The following MYH15 variants were observed in gnomAD, a reference collection of about 807,000 sequenced individuals.
MYH15 encodes myosin heavy chain 15, also known as myosin-15.
A neutral mutation model predicts 240.5 loss-of-function variants in MYH15; 227 were observed. The ratio of observed to expected loss-of-function variants is 0.94; its 90% CI spans 0.85 to 1.05. The LOEUF is 1.05. Ranked by LOEUF, MYH15 falls within the 50% of genes least tolerant of loss-of-function variation. The probability of loss-of-function intolerance (pLI) is 0.00; values close to 1 mark genes in which losing one functional copy is unlikely to be tolerated. For missense variants in MYH15, 2,217 were observed against 2,247.5 expected, an observed-to-expected ratio of 0.99 and a Z score of 0.27; for synonymous variants, 785 against 796.7, an observed-to-expected ratio of 0.99 and a Z score of 0.25.
At chr3:108,480,408 G>C (rs1426243671) in intron 11 of MYH15, among the ~76,000 whole-genome samples, 1 of 152,196 alleles carries the variant, frequency 6.6e-6, no homozygotes, top group African/African-American at 2.4e-5. Context: ...AGAAAAGCGG[G>C]TGACTTCTGG....
At chr3:108,508,439 GC>G in intron 1 of MYH15, among the ~76,000 whole-genome samples, 1 of 152,280 alleles carries the variant, frequency 6.6e-6, no homozygotes, top group Non-Finnish European at 1.5e-5. Context: ...TTTAACACTG[GC>G]TTTGCTGGTA....
At chr3:108,494,311 G>T (rs1381149128) in intron 7 of MYH15, among the ~76,000 whole-genome samples, 1 of 152,110 alleles carries the variant, frequency 6.6e-6, no homozygotes, top group Non-Finnish European at 1.5e-5. Context: ...ATATACAGAA[G>T]TATATGTATA....
chr3:108,540,639 T>C, the MYH15 span, among the ~76,000 whole-genome samples: 2 of 152,280 alleles, frequency 1.3e-5, no homozygotes, highest in Non-Finnish European at 2.9e-5. Context: ...TTTAGTAAAA[T>C]AGAAATAGAT....
intron 14 of MYH15, among the ~76,000 whole-genome samples, chr3:108,466,341 T>G (rs112452487): frequency 1.6e-3 from 246 of 152,348 alleles, no homozygotes; most frequent in Non-Finnish European, 3.0e-3. Flanking sequence ...TTTATTAGAC[T>G]TACAAATCCT....
Position 108,510,576 on chromosome 3 carries a change from G to A in MYH15, c.-46C>T, listed in dbSNP as rs548035341. ...AAAAAAAGGCCCTAAACGTGAGTAG[G>A]CAAGATTCAACCTGAAAAAAAAAAA... On this transcript the variant is annotated 5_prime_UTR_variant, in exon 1 of 41. Transcript: ENST00000693548. 5.0e-6 allele frequency: 8 copies of A among 1,589,960 alleles called. No individual in the cohort carries two copies. In the South Asian group the frequency reaches 9.0e-5, roughly 18 times the overall value.
At chr3:108,517,339 A>AT (rs11425723) in intron 1 of MYH15, among the ~76,000 whole-genome samples, 2,816 of 150,154 alleles carry the variant, frequency 0.019, 91 homozygotes, top group African/African-American at 0.064. Context: ...CTTCTGATTA[A>AT]TTTTTTTTTT....
At chr3:108,529,902 G>GTACT (rs1343201881), upstream of MYH15, among the ~76,000 whole-genome samples, 6 of 152,196 alleles carry the variant, frequency 3.9e-5, no homozygotes, top group Non-Finnish European at 7.3e-5. Context: ...ATAGAGCAGA[G>GTACT]TACTGGATAG....
Position 108,381,539 on chromosome 3 carries a change from G to A in MYH15, c.*6C>T. On this transcript the variant is annotated 3_prime_UTR_variant, in exon 41 of 41. Transcript: ENST00000693548. ...TCCAGCTGTTGTCCTTTCAAAGCAG[G>A]GGATGCTATTCTTCTTGAACCTGAA... 1 of 1,613,806 alleles carries A rather than the reference G, an allele frequency of 6.2e-7. No homozygotes were observed. Among genetic ancestry groups the A allele is most frequent in the Non-Finnish European group, 8.5e-7 (1 of 1,179,764 alleles).
At chr3:108,517,416 T>C (rs1373454342) in intron 1 of MYH15, among the ~76,000 whole-genome samples, 1 of 152,144 alleles carries the variant, frequency 6.6e-6, no homozygotes, top group African/African-American at 2.4e-5. Flanking sequence ...CACCGCAACC[T>C]CTGACTCCCG....
chr3:108,447,199 A>T (rs2082935640), intron 21 of MYH15, among the ~76,000 whole-genome samples: 1 of 152,194 alleles, frequency 6.6e-6, no homozygotes, highest in African/African-American at 2.4e-5. Flanking sequence ...ACAAATGAAA[A>T]GAATGAAGAA....
the MYH15 span, among the ~76,000 whole-genome samples, chr3:108,546,511 C>T: frequency 6.6e-6 from 1 of 152,142 alleles, no homozygotes; most frequent in African/African-American, 2.4e-5. Flanking sequence ...CCAATCCACT[C>T]TGTTGACTTT....
the MYH15 span, among the ~76,000 whole-genome samples, chr3:108,535,415 C>T: frequency 6.6e-6 from 1 of 152,100 alleles, no homozygotes; most frequent in South Asian, 2.1e-4. Context: ...GCATAGGTCT[C>T]TCTTGAGCCT....
intron 2 of MYH15, among the ~76,000 whole-genome samples, chr3:108,502,917 T>C (rs1238019037): frequency 9.2e-5 from 14 of 152,176 alleles, no homozygotes; most frequent in Admixed American, 9.2e-4. Flanking sequence ...ACATATCTCA[T>C]ACATCTTCAA....
chr3:108,462,294 T>C (rs2083078853), intron 16 of MYH15, among the ~76,000 whole-genome samples: 3 of 152,172 alleles, frequency 2.0e-5, no homozygotes, highest in Non-Finnish European at 4.4e-5. Context: ...CGTAAATGCA[T>C]GTAGCCTGTC....
chr3:108,470,609 T>A, intron 13 of MYH15, 89 bp downstream of exon 13: 1 of 1,405,630 alleles, frequency 7.1e-7, no homozygotes, highest in African/African-American at 1.4e-5. Flanking sequence ...ATGATCCCCA[T>A]GCTTTGACCA....
rs2107561755 is a variant in MYH15 at position 108,430,923 on chromosome 3, C to T, written c.3222-1G>A. ...CATCTGACTCAATTCTAATTCTTTTCTGTTTAGAAAAAGATATCAAATACA... is the reference window on the plus strand; with the variant it reads ...CATCTGACTCAATTCTAATTCTTTTTTGTTTAGAAAAAGATATCAAATACA... On this transcript the variant is annotated splice_acceptor_variant, in intron 25 of 40. Coordinates refer to ENST00000693548, the MANE Select transcript of MYH15 (RefSeq NM_014981.3). LOFTEE classifies it high-confidence loss of function. The T allele has an allele frequency of 6.3e-7, 1 of 1,596,618 alleles. No homozygotes were observed. The highest frequency in any genetic ancestry group is 8.6e-7 in the Non-Finnish European group (1 of 1,166,536).
At chr3:108,485,369 C>T in intron 10 of MYH15, 140 bp from the exon 11 acceptor site, 1 of 916,280 alleles carries the variant, frequency 1.1e-6, no homozygotes, top group East Asian at 2.4e-5. Context: ...TGCAAATCAG[C>T]CCTGTTGGCA....
chr3:108,542,077 T>C, the MYH15 span, among the ~76,000 whole-genome samples: 2 of 152,126 alleles, frequency 1.3e-5, no homozygotes, highest in African/African-American at 4.8e-5. Flanking sequence ...TCATCCTTTT[T>C]CTGTATTAAA....
chr3:108,459,211 A>C, intron 18 of MYH15, 151 bp downstream of exon 18: 1 of 568,108 alleles, frequency 1.8e-6, no homozygotes, highest in Non-Finnish European at 2.9e-6. Flanking sequence ...AGGAGGTTCC[A>C]AAGACCTCAT....
Sources: allele counts gnomAD v4.1 joint callset (sites outside exome capture counted in the v4.1 genomes callset), GRCh38; gene constraint gnomAD v4.1.1; transcripts MANE v1.5; gene names NCBI Gene and HGNC (gene_info 2026-07-23, HGNC 2026-07-21).